DGKH: variants seen among roughly 807,000 people sequenced by gnomAD.
DGKH encodes the protein diacylglycerol kinase eta, also known as DAG kinase eta.
Under a neutral mutation model 159.3 loss-of-function variants are expected in DGKH, and 90 were observed. The observed-to-expected ratio is 0.57, with a 90% CI of 0.48 to 0.67. The LOEUF (loss-of-function observed/expected upper bound fraction) is 0.67, where lower values mean the gene tolerates loss of function less well. Ranked by LOEUF, DGKH falls within the 30% of genes least tolerant of loss-of-function variation. The pLI is 0.00. For synonymous variants in DGKH, 536 were observed against 553.8 expected (o/e 0.97, Z 0.45); for missense variants, 1,181 against 1,506.1 (o/e 0.78, Z 3.57).
chr13:42,099,541 T>A (rs1257631761), intron 1 of DGKH, among the ~76,000 whole-genome samples: 1 of 152,174 alleles, frequency 6.6e-6, no homozygotes, highest in Non-Finnish European at 1.5e-5. Context: ...TCAGTGTCTC[T>A]GAAGTGTGAA....
rs753325154 is a variant in DGKH, at chr13:42,062,205, GT to G, written c.192+13243del. Among the ~76,000 whole-genome samples the G allele has an allele frequency of 3.9e-5, 6 of 152,270 alleles. No individual in the cohort carries two copies. The East Asian group carries it at 7.7e-4, about 20-fold the overall frequency. On this transcript the variant is annotated intron_variant, in intron 1 of 29. Transcript: ENST00000337343. ...TCTGTACAGTCATGCAAACTCTTCT[GT>G]TTCCAAAGTAAGGCAGGCATTTTCA...
At chr13:42,184,827 A>G (rs1164243631) in intron 13 of DGKH, among the ~76,000 whole-genome samples, 1 of 151,534 alleles carries the variant, frequency 6.6e-6, no homozygotes, top group Non-Finnish European at 1.5e-5. Context: ...TGATCACACC[A>G]TTGCACTCCA....
upstream of DGKH, among the ~76,000 whole-genome samples, chr13:42,045,119 G>C (rs1040348678): frequency 2.6e-5 from 4 of 152,142 alleles, no homozygotes; most frequent in African/African-American, 7.2e-5. Flanking sequence ...TGACCAGGGG[G>C]AGATGATGTC....
At chr13:42,138,199 A>G in intron 3 of DGKH, 1 of 769,312 alleles carries the variant, frequency 1.3e-6, no homozygotes, top group East Asian at 1.3e-4. Context: ...CAGGGCTCTC[A>G]GCTCTTGATG....
At position 42,235,436 on chromosome 13, in the gene DGKH, T is replaced by TA. The variant is rs917286673; in HGVS notation, c.*6255dup. On this transcript the variant is annotated 3_prime_UTR_variant, in exon 30 of 30. Transcript: ENST00000337343. Reference sequence around the variant, plus strand: ...ATTTCAAAAGTGAATTAACCAAACCTAAAAAAAGGGTTACTTTTAAAATGC... The same window carrying TA: ...ATTTCAAAAGTGAATTAACCAAACCTAAAAAAAAGGGTTACTTTTAAAATGC... The TA allele has an allele frequency of 1.3e-5, 2 of 151,940 alleles. No homozygotes were observed. Among genetic ancestry groups the TA allele is most frequent in the Non-Finnish European group, 2.9e-5 (2 of 67,934 alleles). The allele number at this position is 151,940 out of a possible 1,614,324, so 9.4% of individuals were successfully genotyped here.
At chr13:42,042,594 G>T (rs988825927) in intron 1 of DGKH, among the ~76,000 whole-genome samples, 1 of 152,160 alleles carries the variant, frequency 6.6e-6, no homozygotes, top group African/African-American at 2.4e-5. Flanking sequence ...CATTTGCTCT[G>T]CACCTATTTT....
At chr13:42,163,013 TC>T (rs1301800759) in intron 7 of DGKH, among the ~76,000 whole-genome samples, 23 of 84,170 alleles carry the variant, frequency 2.7e-4, no homozygotes, top group African/African-American at 8.3e-4. Context: ...CCCTCCCCCC[TC>T]CCCCAACCCC....
intron 11 of DGKH, among the ~76,000 whole-genome samples, chr13:42,169,095 A>G (rs972839609): frequency 2.0e-5 from 3 of 152,212 alleles, no homozygotes; most frequent in Non-Finnish European, 4.4e-5. Flanking sequence ...CTATGTTACT[A>G]CTATTTACTT....
intron 3 of DGKH, among the ~76,000 whole-genome samples, chr13:42,149,079 G>A (rs1324545652): frequency 1.3e-5 from 2 of 150,948 alleles, no homozygotes; most frequent in East Asian, 3.9e-4. Context: ...CCAGGCATAT[G>A]CCACCATGCT....
At chr13:42,251,990 T>G (rs1958623789) in intron 29 of DGKH, among the ~76,000 whole-genome samples, 4 of 152,228 alleles carry the variant, frequency 2.6e-5, no homozygotes, top group Non-Finnish European at 5.9e-5. Flanking sequence ...AAAATGTCCT[T>G]TGAATGGGTG....
At chr13:42,045,068 G>A (rs1880727515), upstream of DGKH, among the ~76,000 whole-genome samples, 1 of 152,178 alleles carries the variant, frequency 6.6e-6, no homozygotes, top group Non-Finnish European at 1.5e-5. Flanking sequence ...GAAGTGGGAG[G>A]ATCTCTTGAG....
At chr13:42,227,031 G>A (rs867234592) in intron 29 of DGKH, among the ~76,000 whole-genome samples, 8 of 152,072 alleles carry the variant, frequency 5.3e-5, no homozygotes, top group African/African-American at 1.9e-4. Context: ...AACACCACAC[G>A]TTCTTGTAAG....
chr13:42,230,040 G>A lies in DGKH; in HGVS notation c.*852G>A, dbSNP rs1195307419. On this transcript the variant is annotated 3_prime_UTR_variant, in exon 30 of 30. Transcript: ENST00000337343. ...TCTATCATAAGCAGTAGGCGTGCACGTTAAGAAAATTCTCTGGATATTTTC... is the reference window on the plus strand; with the variant it reads ...TCTATCATAAGCAGTAGGCGTGCACATTAAGAAAATTCTCTGGATATTTTC... The A allele has an allele frequency of 2.0e-5, 3 of 152,094 alleles. No individual in the cohort carries two copies. The highest frequency in any genetic ancestry group is 4.8e-5 in the African/African-American group (2 of 41,420). 9.4% of individuals were successfully genotyped at this position (152,094 alleles called of 1,614,324 possible). A position where few individuals can be genotyped will look rare whatever the true frequency, so the allele number is the denominator to read the frequency against.
intron 1 of DGKH, among the ~76,000 whole-genome samples, chr13:42,065,747 G>A (rs1034916828): frequency 6.6e-5 from 10 of 152,100 alleles, no homozygotes; most frequent in East Asian, 3.8e-4. Flanking sequence ...GGGTCCCATC[G>A]GAGTAAGTAA....
At chr13:42,092,294 G>A (rs933391100) in intron 1 of DGKH, among the ~76,000 whole-genome samples, 3 of 152,154 alleles carry the variant, frequency 2.0e-5, no homozygotes, top group Admixed American at 2.0e-4. Context: ...GTACTCCCAT[G>A]TTTATTGCCC....
intron 1 of DGKH, among the ~76,000 whole-genome samples, chr13:42,083,628 T>C (rs1476318904): frequency 6.6e-6 from 1 of 152,176 alleles, no homozygotes; most frequent in Non-Finnish European, 1.5e-5. Context: ...GGCTTCGGGT[T>C]GGACTGGGCT....
chr13:42,210,138 A>C (rs1252082730), intron 23 of DGKH, among the ~76,000 whole-genome samples: 2 of 151,864 alleles, frequency 1.3e-5, no homozygotes, highest in African/African-American at 4.8e-5. Context: ...AATAAATTGA[A>C]GCAATAGTAA....
chr13:42,229,240 T>A lies in DGKH; in HGVS notation c.*52T>A, dbSNP rs901081432. 6.6e-7 allele frequency: 1 copy of A among 1,520,298 alleles called. No individual in the cohort carries two copies. The highest frequency in any genetic ancestry group is 9.0e-7 in the Non-Finnish European group (1 of 1,113,938). The allele number at this position is 1,520,298 out of a possible 1,614,324, so 94.2% of individuals were successfully genotyped here. A position where few individuals can be genotyped will look rare whatever the true frequency, so the allele number is the denominator to read the frequency against. On this transcript the variant is annotated 3_prime_UTR_variant, in exon 30 of 30. Transcript: ENST00000337343. The stretch of plus-strand genomic sequence containing the variant: ...GAAGTTATTGCCACTTAATACAAAG[T>A]CCTTGGAAGCAAGTGGCTGTTCTTG...
intron 12 of DGKH, among the ~76,000 whole-genome samples, chr13:42,174,728 G>T (rs970731352): frequency 7.2e-5 from 11 of 152,224 alleles, no homozygotes; most frequent in East Asian, 1.9e-4. Context: ...TTGAGACAGG[G>T]TCTTGCTCTG....
Sources: gnomAD v4.1 joint callset for allele counts (sites outside exome capture counted in the v4.1 genomes callset) on GRCh38, gnomAD v4.1.1 for gene constraint, MANE v1.5 for transcripts, NCBI Gene and HGNC (gene_info 2026-07-23, HGNC 2026-07-21) for gene names.